The following ZNF385D variants were observed in gnomAD, a reference collection of about 807,000 sequenced individuals.
ZNF385D encodes zinc finger protein 659.
ZNF385D carries 15 observed loss-of-function variants against 35.8 expected under a neutral mutation model. That is an observed-to-expected ratio of 0.42 (90% CI 0.28 to 0.64). The LOEUF (loss-of-function observed/expected upper bound fraction) is 0.64. Ranked by LOEUF, ZNF385D falls within the 30% of genes least tolerant of loss-of-function variation. ZNF385D has a pLI of 0.23. For synonymous variants in ZNF385D, 212 were observed against 186.8 expected, an observed-to-expected ratio of 1.13 and a Z score of -1.10; for missense variants, 474 against 494.6, an observed-to-expected ratio of 0.96 and a Z score of 0.39.
At chr3:21,956,902 T>C (rs1702319512) in intron 3 of ZNF385D, among the ~76,000 whole-genome samples, 3 of 151,896 alleles carry the variant, frequency 2.0e-5, no homozygotes, top group Non-Finnish European at 2.9e-5. Context: ...AAGTTTATCA[T>C]CTGTGGTGAT....
chr3:22,220,964 T>A (rs923322520), intron 2 of ZNF385D, among the ~76,000 whole-genome samples: 7 of 152,214 alleles, frequency 4.6e-5, no homozygotes, highest in African/African-American at 1.7e-4. Context: ...CTGATTCTCA[T>A]ATGGAGAAAG....
At chr3:21,463,305 G>T (rs1045696931) in intron 4 of ZNF385D, among the ~76,000 whole-genome samples, 1 of 152,016 alleles carries the variant, frequency 6.6e-6, no homozygotes, top group Non-Finnish European at 1.5e-5. Flanking sequence ...ATTTTTACAG[G>T]GACACTAGAA....
intron 2 of ZNF385D, among the ~76,000 whole-genome samples, chr3:21,605,039 T>G (rs973724874): frequency 2.0e-5 from 3 of 152,168 alleles, no homozygotes; most frequent in African/African-American, 7.2e-5. Context: ...TTCTGAAGTG[T>G]AGAAGGGAGA....
At chr3:21,464,743 A>AACACACACACAC (rs6147726) in intron 4 of ZNF385D, among the ~76,000 whole-genome samples, 6 of 150,198 alleles carry the variant, frequency 4.0e-5, no homozygotes, top group Non-Finnish European at 5.9e-5. Flanking sequence ...AATAAATTAA[A>AACACACACACAC]ACACACACAC....
chr3:21,633,949 A>ACTT (rs1360536885), intron 2 of ZNF385D, among the ~76,000 whole-genome samples: 1 of 152,088 alleles, frequency 6.6e-6, no homozygotes, highest in African/African-American at 2.4e-5. Flanking sequence ...TAATCCTAGC[A>ACTT]CTTTGGAAAG....
intron 3 of ZNF385D, among the ~76,000 whole-genome samples, chr3:21,850,951 T>C (rs1460563320): frequency 6.6e-6 from 1 of 152,004 alleles, no homozygotes; most frequent in African/African-American, 2.4e-5. Flanking sequence ...ATCATTCAAA[T>C]ATTTGGCATC....
At chr3:22,291,845 CTTT>C (rs1342125355) in intron 2 of ZNF385D, among the ~76,000 whole-genome samples, 1 of 152,076 alleles carries the variant, frequency 6.6e-6, no homozygotes, top group Non-Finnish European at 1.5e-5. Context: ...AAATTTAATG[CTTT>C]TTTATTTACA....
Position 21,643,035 on chromosome 3 carries a change from A to G in ZNF385D, c.165+21851T>C, listed in dbSNP as rs1051327597. 6.6e-5 allele frequency among the ~76,000 whole-genome samples: 10 copies of G among 152,274 alleles called. No individual in the cohort carries two copies. In the South Asian group the frequency reaches 8.3e-4, roughly 13 times the overall value. On this transcript the variant is annotated intron_variant, in intron 2 of 7. Coordinates refer to ENST00000281523, the MANE Select transcript of ZNF385D (RefSeq NM_024697.3). ...ACGAATGCACAATGTAAATATACTT[A>G]CACTTAAAATGGTACATTTAAAAAT...
intron 3 of ZNF385D, among the ~76,000 whole-genome samples, chr3:22,141,518 A>G (rs1176782062): frequency 6.6e-6 from 1 of 152,132 alleles, no homozygotes; most frequent in Non-Finnish European, 1.5e-5. Context: ...AAGAAGGCCA[A>G]TCCTCAATTA....
chr3:22,315,363 C>A (rs1312026759), intron 2 of ZNF385D, among the ~76,000 whole-genome samples: 2 of 152,148 alleles, frequency 1.3e-5, no homozygotes, highest in Admixed American at 1.3e-4. Flanking sequence ...TTAAGAGATA[C>A]ATCAAGGTTA....
At chr3:21,500,590 G>A (rs1706288947) in intron 4 of ZNF385D, among the ~76,000 whole-genome samples, 1 of 152,194 alleles carries the variant, frequency 6.6e-6, no homozygotes, top group Admixed American at 6.5e-5. Flanking sequence ...GCGTTAGCAT[G>A]TGAAGTGTGG....
intron 3 of ZNF385D, among the ~76,000 whole-genome samples, chr3:22,004,946 G>C (rs1347627724): frequency 6.7e-6 from 1 of 149,494 alleles, no homozygotes; most frequent in Non-Finnish European, 1.5e-5. Flanking sequence ...GACTTCCTGA[G>C]ACTTTTCACA....
In ZNF385D at chr3:21,612,102, G is replaced by A. The variant is rs184873569; in HGVS notation, c.166-47418C>T. Among the ~76,000 whole-genome samples, 123 of 152,028 alleles carry A rather than the reference G, an allele frequency of 8.1e-4. 3 individuals carry two copies. Among genetic ancestry groups the A allele is most frequent in the African/African-American group, 2.5e-3 (105 of 41,426 alleles). On this transcript the variant is annotated intron_variant, in intron 2 of 7. Transcript: ENST00000281523. ...CATTATTATTATTATTATTTGAGATGGAGTGTCGCTCTGTAGCCCAGCCTG... is the reference window on the plus strand; with the variant it reads ...CATTATTATTATTATTATTTGAGATAGAGTGTCGCTCTGTAGCCCAGCCTG...
intron 2 of ZNF385D, among the ~76,000 whole-genome samples, chr3:21,578,289 C>G (rs1330981503): frequency 6.6e-6 from 1 of 152,112 alleles, no homozygotes; most frequent in African/African-American, 2.4e-5. Flanking sequence ...TCTCTTCCCT[C>G]TGTTGATGGT....
intron 3 of ZNF385D, among the ~76,000 whole-genome samples, chr3:21,983,666 T>G (rs11514592): frequency 0.22 from 19,268 of 86,612 alleles, 2,569 homozygotes; most frequent in Non-Finnish European, 0.28. Context: ...TTATAGTCAT[T>G]TGGGTATATA....
chr3:21,830,052 A>C (rs1048330051), intron 3 of ZNF385D, among the ~76,000 whole-genome samples: 5 of 151,990 alleles, frequency 3.3e-5, no homozygotes, highest in Non-Finnish European at 7.4e-5. Flanking sequence ...TGAACTCAGG[A>C]GGCAGAGGTT....
At chr3:22,090,954 C>A (rs1174198386) in intron 3 of ZNF385D, among the ~76,000 whole-genome samples, 2 of 152,084 alleles carry the variant, frequency 1.3e-5, no homozygotes, top group African/African-American at 4.8e-5. Context: ...AACAGGTATA[C>A]ACCATACAAA....
chr3:22,148,582 C>G (rs976678740), intron 3 of ZNF385D, among the ~76,000 whole-genome samples: 3 of 152,138 alleles, frequency 2.0e-5, no homozygotes, highest in African/African-American at 7.2e-5. Flanking sequence ...CTCAGTTTAT[C>G]TTCAAAAGAG....
At chr3:21,930,230 G>C (rs903375663) in intron 3 of ZNF385D, among the ~76,000 whole-genome samples, 4 of 151,448 alleles carry the variant, frequency 2.6e-5, no homozygotes, top group Non-Finnish European at 4.4e-5. Context: ...TTGAACTATA[G>C]GGTATCTACA....
Sources: allele counts gnomAD v4.1 joint callset (sites outside exome capture counted in the v4.1 genomes callset), GRCh38; gene constraint gnomAD v4.1.1; transcripts MANE v1.5; gene names NCBI Gene and HGNC (gene_info 2026-07-23, HGNC 2026-07-21).